CDYL2: variants seen among roughly 807,000 people sequenced by gnomAD.
CDYL2 encodes chromodomain Y like 2, also known as chromodomain Y-like protein 2.
In CDYL2, 23 loss-of-function variants were observed where a neutral mutation model predicts 49.4. The ratio of observed to expected loss-of-function variants is 0.47; its 90% confidence interval spans 0.34 to 0.66. The LOEUF (loss-of-function observed/expected upper bound fraction) is 0.66, where lower values mean the gene tolerates loss of function less well. Among genes scored for constraint, CDYL2 ranks in the 30% least tolerant of loss-of-function variants. The pLI is 0.01. For missense variants in CDYL2, 678 were observed against 656.4 expected (o/e 1.03, Z -0.36); for synonymous variants, 360 against 268.8 (o/e 1.34, Z -3.32).
At chr16:80,645,876 A>G (rs977517865) in intron 2 of CDYL2, among the ~76,000 whole-genome samples, 21 of 151,538 alleles carry the variant, frequency 1.4e-4, no homozygotes, top group African/African-American at 4.8e-4. Flanking sequence ...TCAGCAAACT[A>G]TCTCAAGGAC....
intron 1 of CDYL2, among the ~76,000 whole-genome samples, chr16:80,691,960 C>T (rs915398975): frequency 2.6e-5 from 4 of 151,996 alleles, no homozygotes; most frequent in African/African-American, 4.8e-5. Flanking sequence ...ATCACACCAG[C>T]GACATAGACA....
intron 2 of CDYL2, among the ~76,000 whole-genome samples, chr16:80,655,166 A>C (rs1908751040): frequency 6.6e-6 from 1 of 152,204 alleles, no homozygotes; most frequent in Non-Finnish European, 1.5e-5. Flanking sequence ...CAATTATTGA[A>C]CAGTCTTATA....
rs982873013 is a variant in CDYL2, at chr16:80,604,317, G to A, written c.*71C>T. ...CACCTTGACAAACTCCTTGGCCGGG[G>A]CAGACACTGTGCTCTGGTTTCCGAA... On this transcript the variant is annotated 3_prime_UTR_variant, in exon 7 of 7. Transcript: ENST00000570137. The A allele has an allele frequency of 5.8e-6, 9 of 1,548,244 alleles. No individual in the cohort carries two copies. Among genetic ancestry groups the A allele is most frequent in the East Asian group, 2.2e-5 (1 of 44,544 alleles).
intron 1 of CDYL2, among the ~76,000 whole-genome samples, chr16:80,741,884 A>G (rs1240925356): frequency 6.6e-6 from 1 of 152,228 alleles, no homozygotes; most frequent in African/African-American, 2.4e-5. Context: ...ACGCCCATGA[A>G]AAACCTTTGA....
At chr16:80,634,267 C>G in intron 2 of CDYL2, among the ~76,000 whole-genome samples, 1 of 152,130 alleles carries the variant, frequency 6.6e-6, no homozygotes, top group East Asian at 1.9e-4. Flanking sequence ...CAGTGATAGA[C>G]TGGATTAAGA....
At chr16:80,736,096 A>T (rs1180516035) in intron 1 of CDYL2, among the ~76,000 whole-genome samples, 1 of 152,262 alleles carries the variant, frequency 6.6e-6, no homozygotes, top group Non-Finnish European at 1.5e-5. Flanking sequence ...TGGAACTCCC[A>T]GCTGTCACAG....
intron 2 of CDYL2, among the ~76,000 whole-genome samples, chr16:80,668,852 T>C (rs1463309371): frequency 1.3e-5 from 2 of 151,958 alleles, no homozygotes; most frequent in African/African-American, 4.8e-5. Context: ...TGAGCCGAGA[T>C]CACCCCACTG....
At position 80,601,114 on chromosome 16, in the gene CDYL2, C is replaced by T. The variant is rs142459262; in HGVS notation, c.*3274G>A. On this transcript the variant is annotated 3_prime_UTR_variant, in exon 7 of 7. Coordinates refer to ENST00000570137, the MANE Select transcript of CDYL2 (RefSeq NM_152342.4). ...CATTATTTCTATGCCGGAAGGGGCA[C>T]ATTAAGTACATCAGCATTAGGCTGT... 21 of 152,252 alleles carry T rather than the reference C, an allele frequency of 1.4e-4. No homozygotes were observed. Among genetic ancestry groups the T allele is most frequent in the Non-Finnish European group, 2.8e-4 (19 of 68,030 alleles). 9.4% of individuals were successfully genotyped at this position (152,252 alleles called of 1,614,324 possible).
chr16:80,673,337 T>A (rs557595181), intron 2 of CDYL2, among the ~76,000 whole-genome samples: 3 of 151,954 alleles, frequency 2.0e-5, no homozygotes, highest in Non-Finnish European at 4.4e-5. Context: ...AATAAATAAA[T>A]AATTTTAAAA....
intron 2 of CDYL2, chr16:80,639,529 G>T (rs1234600107): frequency 2.9e-6 from 1 of 344,306 alleles, no homozygotes; most frequent in African/African-American, 2.2e-5. Flanking sequence ...TAAAAAATGA[G>T]TTATGAGGGA....
At chr16:80,611,155 G>A (rs74851738) in intron 5 of CDYL2, among the ~76,000 whole-genome samples, 4,779 of 152,276 alleles carry the variant, frequency 0.031, 378 homozygotes, top group East Asian at 0.23. Context: ...TCTGAACAAG[G>A]TGGGACCTCC....
intron 1 of CDYL2, among the ~76,000 whole-genome samples, chr16:80,767,925 G>C (rs1281208065): frequency 6.6e-6 from 1 of 152,184 alleles, no homozygotes; most frequent in African/African-American, 2.4e-5. Flanking sequence ...TAGTGAAAAT[G>C]GCTTCTCTGG....
chr16:80,700,967 GC>G (rs1904297369), intron 1 of CDYL2, among the ~76,000 whole-genome samples: 1 of 152,246 alleles, frequency 6.6e-6, no homozygotes, highest in Non-Finnish European at 1.5e-5. Context: ...TTCAGCAGCA[GC>G]CTGGGTCTCT....
intron 3 of CDYL2, among the ~76,000 whole-genome samples, chr16:80,624,033 T>A (rs1907198417): frequency 6.6e-6 from 1 of 152,180 alleles, no homozygotes; most frequent in Non-Finnish European, 1.5e-5. Context: ...TCCAAGTCTG[T>A]GTACTGACTG....
intron 1 of CDYL2, among the ~76,000 whole-genome samples, chr16:80,799,586 C>G (rs1907865830): frequency 6.6e-6 from 1 of 152,148 alleles, no homozygotes; most frequent in South Asian, 2.1e-4. Context: ...GCCTCCAATA[C>G]AAAGATCTTT....
intron 2 of CDYL2, among the ~76,000 whole-genome samples, chr16:80,673,177 G>A (rs1909601459): frequency 6.6e-6 from 1 of 151,998 alleles, no homozygotes; most frequent in South Asian, 2.1e-4. Flanking sequence ...AAAATTAGCC[G>A]GGCATGGTGG....
chr16:80,649,184 A>G (rs1175407749), intron 2 of CDYL2, among the ~76,000 whole-genome samples: 1 of 152,166 alleles, frequency 6.6e-6, no homozygotes, highest in Non-Finnish European at 1.5e-5. Flanking sequence ...CAAAGTGGAA[A>G]GAAAGAAAGC....
intron 1 of CDYL2, among the ~76,000 whole-genome samples, chr16:80,754,754 G>C (rs1906251849): frequency 6.6e-6 from 1 of 152,184 alleles, no homozygotes; most frequent in South Asian, 2.1e-4. Context: ...TAAGTTATTA[G>C]TTTGAGCTTT....
chr16:80,667,644 G>A (rs1909322808), intron 2 of CDYL2, among the ~76,000 whole-genome samples: 1 of 152,162 alleles, frequency 6.6e-6, no homozygotes, highest in Admixed American at 6.5e-5. Flanking sequence ...GCATACATAG[G>A]AAAGGATTCA....
Sources: allele counts gnomAD v4.1 joint callset (sites outside exome capture counted in the v4.1 genomes callset), GRCh38; gene constraint gnomAD v4.1.1; transcripts MANE v1.5; gene names NCBI Gene and HGNC (gene_info 2026-07-23, HGNC 2026-07-21).